Variants in GMDS observed in about 807,000 individuals in gnomAD.
GMDS encodes GDP-mannose 4,6 dehydratase.
A neutral mutation model predicts 49.9 loss-of-function variants in GMDS; 20 were observed. The observed-to-expected ratio is 0.40, with a 90% CI of 0.28 to 0.58. The LOEUF (loss-of-function observed/expected upper bound fraction) is 0.58. Among genes scored for constraint, GMDS ranks in the 20% least tolerant of loss-of-function variants. The probability of loss-of-function intolerance (pLI) is 0.42; values close to 1 mark genes in which losing one functional copy is unlikely to be tolerated. For synonymous variants in GMDS, 177 were observed against 178.6 expected (o/e 0.99, Z 0.07); for missense variants, 362 against 481.4 (o/e 0.75, Z 2.32).
intron 4 of GMDS, among the ~76,000 whole-genome samples, chr6:2,041,371 G>T (rs1286043157): frequency 6.6e-6 from 1 of 152,188 alleles, no homozygotes; most frequent in Non-Finnish European, 1.5e-5. Context: ...CTGGAGAGTG[G>T]TGTGTTCACT....
At chr6:1,950,628 A>G (rs1156805843) in intron 6 of GMDS, among the ~76,000 whole-genome samples, 1 of 152,226 alleles carries the variant, frequency 6.6e-6, no homozygotes, top group Non-Finnish European at 1.5e-5. Context: ...TCTATGAAGA[A>G]TTTACTGTAA....
intron 4 of GMDS, among the ~76,000 whole-genome samples, chr6:1,979,311 C>G (rs1038898391): frequency 3.3e-5 from 5 of 152,150 alleles, no homozygotes; most frequent in African/African-American, 1.2e-4. Flanking sequence ...CATATGGGAG[C>G]TGACAGCCAA....
intron 7 of GMDS, among the ~76,000 whole-genome samples, chr6:1,928,184 G>A (rs1452965638): frequency 6.6e-6 from 1 of 152,068 alleles, no homozygotes; most frequent in East Asian, 1.9e-4. Context: ...GGTCAACACA[G>A]TGAAACCCCG....
At chr6:1,777,983 C>T (rs1431787205) in intron 7 of GMDS, among the ~76,000 whole-genome samples, 1 of 152,014 alleles carries the variant, frequency 6.6e-6, no homozygotes, top group Non-Finnish European at 1.5e-5. Flanking sequence ...GTAAACACAG[C>T]TAACAGATGG....
intron 4 of GMDS, among the ~76,000 whole-genome samples, chr6:2,012,753 C>T (rs1046973695): frequency 6.6e-6 from 1 of 152,038 alleles, no homozygotes; most frequent in Non-Finnish European, 1.5e-5. Context: ...AATGAATATG[C>T]ACTAGCTTGG....
chr6:1,853,939 G>A (rs1757829115), intron 7 of GMDS, among the ~76,000 whole-genome samples: 1 of 152,082 alleles, frequency 6.6e-6, no homozygotes, highest in Admixed American at 6.6e-5. Flanking sequence ...TGGTCCTTTA[G>A]CACTATTCAG....
rs141234786 is a variant in GMDS at position 2,075,378 on chromosome 6, G to A, written c.345+40393C>T. On this transcript the variant is annotated intron_variant, in intron 4 of 10. Transcript: ENST00000380815. Reference sequence around the variant, plus strand: ...GTTGGTGTGCTGCACCCGTTAACTCGTCATTTAACATTAGGCATACCTCCT... The same window carrying A: ...GTTGGTGTGCTGCACCCGTTAACTCATCATTTAACATTAGGCATACCTCCT... 7.2e-5 allele frequency among the ~76,000 whole-genome samples: 11 copies of A among 152,094 alleles called. No homozygotes were observed. The East Asian group carries it at 1.5e-3, about 21-fold the overall frequency.
chr6:1,738,269 T>G (rs1486993301), intron 8 of GMDS, among the ~76,000 whole-genome samples: 2 of 152,166 alleles, frequency 1.3e-5, no homozygotes, highest in African/African-American at 4.8e-5. Context: ...TCAATACAAA[T>G]GACTGTGTAA....
At chr6:1,871,414 T>G (rs957939457) in intron 7 of GMDS, among the ~76,000 whole-genome samples, 3 of 152,218 alleles carry the variant, frequency 2.0e-5, no homozygotes, top group Non-Finnish European at 4.4e-5. Flanking sequence ...TTTTAAAAAT[T>G]GCTGTAAAAA....
At chr6:2,168,412 T>A (rs575014832) in intron 1 of GMDS, among the ~76,000 whole-genome samples, 13 of 152,222 alleles carry the variant, frequency 8.5e-5, no homozygotes, top group Admixed American at 4.6e-4. Context: ...GTCACTTCCC[T>A]ACAAACAAAA....
At chr6:1,625,714 AAGGGAGGAAAGAAAGG>A (rs145655265) in intron 9 of GMDS, among the ~76,000 whole-genome samples, 41 of 152,338 alleles carry the variant, frequency 2.7e-4, no homozygotes, top group Non-Finnish European at 4.9e-4. Context: ...GGAAAGGAGA[AAGGGAGGAAAGAAAGG>A]AGGGAAGAAA....
intron 9 of GMDS, among the ~76,000 whole-genome samples, chr6:1,636,604 G>A (rs895815760): frequency 3.3e-5 from 5 of 152,228 alleles, no homozygotes; most frequent in African/African-American, 1.2e-4. Context: ...TGCTGATGCG[G>A]CCCCCATGGA....
chr6:1,818,487 A>T (rs1040841562), intron 7 of GMDS, among the ~76,000 whole-genome samples: 1 of 151,852 alleles, frequency 6.6e-6, no homozygotes, highest in African/African-American at 2.4e-5. Context: ...AGGTACCTGT[A>T]ATCCCAGCTA....
In GMDS at chr6:2,191,303, C is replaced by T. The variant is rs528273985; in HGVS notation, c.102+54018G>A. 3.9e-5 allele frequency among the ~76,000 whole-genome samples: 6 copies of T among 152,196 alleles called. No individual in the cohort carries two copies. Among genetic ancestry groups the T allele is most frequent in the South Asian group, 2.1e-4 (1 of 4,832 alleles). The stretch of plus-strand genomic sequence containing the variant: ...GGGAGCTCTAGGCTGCCCCTGAGTG[C>T]GGGGGCCACGGGGGAGCTCACAGTG... On this transcript the variant is annotated intron_variant, in intron 1 of 10. Coordinates refer to ENST00000380815, the MANE Select transcript of GMDS (RefSeq NM_001500.4). This position sits in a 1 kb window ranked among gnomAD's most constrained non-coding sequence, Gnocchi z 4.6.
intron 1 of GMDS, among the ~76,000 whole-genome samples, chr6:2,208,479 CT>C (rs1163309657): frequency 1.3e-5 from 2 of 152,186 alleles, no homozygotes; most frequent in Non-Finnish European, 2.9e-5. Flanking sequence ...CCAGTCCATA[CT>C]TTTTACAGTC....
At chr6:2,182,796 C>T (rs1052761407) in intron 1 of GMDS, among the ~76,000 whole-genome samples, 6 of 152,172 alleles carry the variant, frequency 3.9e-5, no homozygotes, top group Non-Finnish European at 8.8e-5. Context: ...TCCTCTACCT[C>T]GCGGGCTCAA....
intron 7 of GMDS, among the ~76,000 whole-genome samples, chr6:1,880,699 T>G (rs1406695757): frequency 6.6e-6 from 1 of 152,164 alleles, no homozygotes; most frequent in Non-Finnish European, 1.5e-5. Context: ...ACGAGCAATA[T>G]AGTTGACCCT....
intron 9 of GMDS, among the ~76,000 whole-genome samples, chr6:1,659,880 TAACAGCCATTTTAAACCCAATTA>T (rs1764013175): frequency 3.4e-5 from 5 of 148,768 alleles, no homozygotes; most frequent in African/African-American, 1.2e-4. Context: ...AAAGAAAGAG[TAACAGCCATTTTAAACCCAATTA>T]GTTTCCCTGA....
chr6:1,924,999 C>A (rs1378349133), intron 7 of GMDS, among the ~76,000 whole-genome samples: 3 of 151,982 alleles, frequency 2.0e-5, no homozygotes, highest in African/African-American at 7.3e-5. Flanking sequence ...CCATAAAATG[C>A]AAATTTTTAG....
Sources: gnomAD v4.1 joint callset for allele counts (sites outside exome capture counted in the v4.1 genomes callset) on GRCh38, gnomAD v4.1.1 for gene constraint, Gnocchi (gnomAD v3.1) non-coding constraint, MANE v1.5 for transcripts, NCBI Gene and HGNC (gene_info 2026-07-23, HGNC 2026-07-21) for gene names.